SLC25A21: variants seen among roughly 807,000 people sequenced by gnomAD.
The protein encoded by SLC25A21 is mitochondrial 2-oxodicarboxylate carrier.
In SLC25A21, 47 loss-of-function variants were observed where a neutral mutation model predicts 43.8. That is an observed-to-expected ratio of 1.07 (90% CI 0.85 to 1.37). SLC25A21 has a LOEUF of 1.37. SLC25A21 is among the 40% of genes most tolerant of loss of function. The pLI, the probability that SLC25A21 is intolerant of heterozygous loss-of-function variation, is 0.00. For missense variants in SLC25A21, 352 were observed against 350.2 expected (o/e 1.00, Z -0.04); for synonymous variants, 131 against 121.3 (o/e 1.08, Z -0.52).
chr14:37,073,309 C>G (rs1962212286), intron 1 of SLC25A21, among the ~76,000 whole-genome samples: 1 of 152,176 alleles, frequency 6.6e-6, no homozygotes, highest in East Asian at 1.9e-4. Context: ...TTTTCCAATC[C>G]ACTATATAAG....
At chr14:37,100,668 T>C (rs1031889435) in intron 1 of SLC25A21, among the ~76,000 whole-genome samples, 1 of 152,170 alleles carries the variant, frequency 6.6e-6, no homozygotes, top group African/African-American at 2.4e-5. Flanking sequence ...TCTCCATCCC[T>C]ATGGACTACA....
intron 1 of SLC25A21, among the ~76,000 whole-genome samples, chr14:36,907,190 T>A (rs1202645200): frequency 2.6e-5 from 4 of 152,134 alleles, no homozygotes; most frequent in Non-Finnish European, 5.9e-5. Flanking sequence ...ATCATGTACT[T>A]GGAGGAACAA....
chr14:36,729,863 T>C (rs1594530677), intron 4 of SLC25A21, among the ~76,000 whole-genome samples: 5 of 152,296 alleles, frequency 3.3e-5, no homozygotes, highest in Admixed American at 3.3e-4. Flanking sequence ...CAGACATCAA[T>C]ATATGGCAGT....
intron 3 of SLC25A21, among the ~76,000 whole-genome samples, chr14:36,744,822 C>T (rs1038671293): frequency 6.6e-6 from 1 of 151,492 alleles, no homozygotes; most frequent in African/African-American, 2.4e-5. Flanking sequence ...AAACATATAA[C>T]CTCATTAAAA....
At chr14:36,734,901 T>C (rs905643458) in intron 3 of SLC25A21, among the ~76,000 whole-genome samples, 1 of 152,204 alleles carries the variant, frequency 6.6e-6, no homozygotes, top group Non-Finnish European at 1.5e-5. Context: ...AGCTTCAAGC[T>C]ATCTACAGTC....
intron 1 of SLC25A21, among the ~76,000 whole-genome samples, chr14:36,971,543 T>A (rs535498589): frequency 6.6e-6 from 1 of 152,170 alleles, no homozygotes; most frequent in East Asian, 1.9e-4. Context: ...GGGCCCTAGA[T>A]AAACCAGACA....
rs1236160231 is a variant in SLC25A21 at position 37,138,770 on chromosome 14, G to GA, written c.70+33510dup. Among the ~76,000 whole-genome samples the GA allele has an allele frequency of 5.3e-5, 8 of 151,944 alleles. No homozygotes were observed. The South Asian group carries it at 1.5e-3, about 28-fold the overall frequency. On this transcript the variant is annotated intron_variant, in intron 1 of 9. Transcript: ENST00000331299. Reference sequence around the variant, plus strand: ...TTATAATTACATTGATTTTCATAAAGAAAAAATTAGTTCTGAAAAAGAAAA... The same window carrying GA: ...TTATAATTACATTGATTTTCATAAAGAAAAAAATTAGTTCTGAAAAAGAAAA...
chr14:37,146,811 C>T (rs1298976332), intron 1 of SLC25A21, among the ~76,000 whole-genome samples: 1 of 152,132 alleles, frequency 6.6e-6, no homozygotes, highest in Admixed American at 6.5e-5. Flanking sequence ...AAAAGTGTGA[C>T]ATGTCTCATG....
In SLC25A21 at chr14:37,147,844, C is replaced by CTTTTTTTTT. The variant is rs61239254; in HGVS notation, c.70+24428_70+24436dup. Among the ~76,000 whole-genome samples the CTTTTTTTTT allele has an allele frequency of 1.1e-3, 144 of 126,218 alleles. 1 individual carries two copies. Among genetic ancestry groups the CTTTTTTTTT allele is most frequent in the Non-Finnish European group, 1.6e-3 (104 of 63,338 alleles). 82.8% of individuals were successfully genotyped at this position (126,218 alleles called of 152,430 possible). ...ATTTCCTTTTTCTTTTTTTTCTTTT[C>CTTTTTTTTT]TTTTTTTTTTTTTTGAGACAGAGTC... is the stretch of plus-strand genomic sequence containing the variant. On this transcript the variant is annotated intron_variant, in intron 1 of 9. Transcript: ENST00000331299.
chr14:36,726,782 C>T (rs1391159211), intron 5 of SLC25A21, among the ~76,000 whole-genome samples: 1 of 152,158 alleles, frequency 6.6e-6, no homozygotes, highest in Admixed American at 6.5e-5. Flanking sequence ...TAGTGCTGAA[C>T]CTCCAATTCC....
rs148528970 is a variant in SLC25A21 at position 36,711,208 on chromosome 14, T to C, written c.603+110A>G. Reference sequence around the variant, plus strand: ...CAGATGTAAGGATCAAATTAGATAATAGATGTAGGTGTCCAGCACAGTGAC... The same window carrying C: ...CAGATGTAAGGATCAAATTAGATAACAGATGTAGGTGTCCAGCACAGTGAC... On this transcript the variant is annotated intron_variant, in intron 7 of 9. Coordinates refer to ENST00000331299, the MANE Select transcript of SLC25A21 (RefSeq NM_030631.4). 2,369 of 921,388 alleles carry C rather than the reference T, an allele frequency of 2.6e-3. 6 individuals are homozygous for C. Among genetic ancestry groups the C allele is most frequent in the Middle Eastern group, 4.3e-3 (14 of 3,222 alleles). 57.1% of individuals were successfully genotyped at this position (921,388 alleles called of 1,614,324 possible). A position where few individuals can be genotyped will look rare whatever the true frequency, so the allele number is the denominator to read the frequency against.
chr14:37,065,726 G>A (rs1172216086), intron 1 of SLC25A21, among the ~76,000 whole-genome samples: 1 of 152,032 alleles, frequency 6.6e-6, no homozygotes, highest in African/African-American at 2.4e-5. Context: ...TTAAAGAAGG[G>A]TACATTCAAA....
chr14:36,938,073 G>A (rs1400248618), intron 1 of SLC25A21, among the ~76,000 whole-genome samples: 1 of 152,038 alleles, frequency 6.6e-6, no homozygotes, highest in Non-Finnish European at 1.5e-5. Context: ...TGGGTGCTCA[G>A]CAAAATGCTG....
At chr14:36,821,477 A>C (rs537370181) in intron 2 of SLC25A21, among the ~76,000 whole-genome samples, 2 of 152,242 alleles carry the variant, frequency 1.3e-5, no homozygotes, top group African/African-American at 4.8e-5. Flanking sequence ...TTTTTAAAAA[A>C]ATTTAGCTGT....
At chr14:36,966,838 C>A (rs1350481200) in intron 1 of SLC25A21, among the ~76,000 whole-genome samples, 1 of 152,076 alleles carries the variant, frequency 6.6e-6, no homozygotes, top group Non-Finnish European at 1.5e-5. Context: ...CCTTGAGTTC[C>A]TTCTTTCTTG....
chr14:36,686,567 A>G (rs181781026), intron 7 of SLC25A21, among the ~76,000 whole-genome samples: 45 of 152,338 alleles, frequency 3.0e-4, no homozygotes, highest in African/African-American at 1.1e-3. Flanking sequence ...TTTCTGAGAA[A>G]TAAAAACAAT....
rs539389717 is a variant in SLC25A21 at position 36,833,377 on chromosome 14, G to A, written c.120-19376C>T. On this transcript the variant is annotated intron_variant, in intron 2 of 9. Coordinates refer to ENST00000331299, the MANE Select transcript of SLC25A21 (RefSeq NM_030631.4). ...GTAGAGGGGAAGTTCAACCAGCACA[G>A]AAAAGGGCCTTGTTAGAGAGCTTTA... is the stretch of plus-strand genomic sequence containing the variant. Among the ~76,000 whole-genome samples the A allele has an allele frequency of 3.6e-3, 547 of 152,316 alleles. 4 individuals are homozygous for A. Among genetic ancestry groups the A allele is most frequent in the African/African-American group, 0.013 (535 of 41,578 alleles).
intron 1 of SLC25A21, among the ~76,000 whole-genome samples, chr14:37,028,776 AAG>A (rs1471112039): frequency 2.6e-5 from 4 of 152,214 alleles, no homozygotes; most frequent in African/African-American, 9.6e-5. Context: ...TTCCCAATGA[AAG>A]AGAGTGACAG....
Position 36,680,104 on chromosome 14 carries a change from T to TATTC in SLC25A21, c.*550_*553dup. 2.3e-6 allele frequency: 2 copies of TATTC among 882,214 alleles called. No individual in the cohort carries two copies. The highest frequency in any genetic ancestry group is 3.6e-5 in the African/African-American group (2 of 54,942). 54.6% of individuals were successfully genotyped at this position (882,214 alleles called of 1,614,324 possible). A position where few individuals can be genotyped will look rare whatever the true frequency, so the allele number is the denominator to read the frequency against. On this transcript the variant is annotated 3_prime_UTR_variant, in exon 10 of 10. Coordinates refer to ENST00000331299, the MANE Select transcript of SLC25A21 (RefSeq NM_030631.4). ...CCAACAGATTTACATTTTAACATAGTATTCATAAAATTAAACATTCTTAAA... is the reference window on the plus strand; with the variant it reads ...CCAACAGATTTACATTTTAACATAGTATTCATTCATAAAATTAAACATTCTTAAA...
Sources: gnomAD v4.1 joint callset for allele counts (sites outside exome capture counted in the v4.1 genomes callset) on GRCh38, gnomAD v4.1.1 for gene constraint, MANE v1.5 for transcripts, NCBI Gene and HGNC (gene_info 2026-07-23, HGNC 2026-07-21) for gene names.